FGF12: variants seen among roughly 807,000 people sequenced by gnomAD.
The protein encoded by FGF12 is fibroblast growth factor 12B.
In FGF12, 14 loss-of-function variants were observed where a neutral mutation model predicts 23.6. That is an observed-to-expected ratio of 0.59 (90% CI 0.39 to 0.93). The LOEUF (loss-of-function observed/expected upper bound fraction) is 0.93. FGF12 is among the 40% of genes least tolerant of loss of function. FGF12 has a pLI of 0.00. For synonymous variants in FGF12, 62 were observed against 77.3 expected (o/e 0.80, Z 1.04); for missense variants, 175 against 217.8 (o/e 0.80, Z 1.24).
intron 4 of FGF12, among the ~76,000 whole-genome samples, chr3:192,273,230 T>C (rs1218028950): frequency 1.3e-5 from 2 of 152,208 alleles, no homozygotes; most frequent in African/African-American, 4.8e-5. Flanking sequence ...ACATCTGCAC[T>C]AAGCACTCTG....
At chr3:192,208,229 C>T (rs567437206) in intron 4 of FGF12, among the ~76,000 whole-genome samples, 1 of 152,178 alleles carries the variant, frequency 6.6e-6, no homozygotes, top group Non-Finnish European at 1.5e-5. Context: ...AAAAGCACTT[C>T]GATGTGATTT....
At chr3:192,369,705 C>T (rs1719136624) in intron 2 of FGF12, among the ~76,000 whole-genome samples, 3 of 152,178 alleles carry the variant, frequency 2.0e-5, no homozygotes. Flanking sequence ...AGTTCCAGCA[C>T]CATTTATTGA....
At chr3:192,418,644 G>A (rs142105144) in intron 2 of FGF12, among the ~76,000 whole-genome samples, 421 of 152,186 alleles carry the variant, frequency 2.8e-3, no homozygotes, top group African/African-American at 9.8e-3. Context: ...GATCATGGGG[G>A]CAGACTTCCC....
intron 3 of FGF12, among the ~76,000 whole-genome samples, chr3:192,352,419 G>C (rs1718268265): frequency 6.6e-6 from 1 of 152,244 alleles, no homozygotes; most frequent in African/African-American, 2.4e-5. Context: ...TGTCTGAAGT[G>C]ATGCTGGAAA....
intron 2 of FGF12, among the ~76,000 whole-genome samples, chr3:192,423,760 T>G (rs888401089): frequency 5.9e-5 from 9 of 152,188 alleles, no homozygotes; most frequent in African/African-American, 2.2e-4. Flanking sequence ...AGGTTTAATT[T>G]TTCTATTAAA....
intron 2 of FGF12, among the ~76,000 whole-genome samples, chr3:192,483,829 C>T (rs553342881): frequency 6.2e-4 from 94 of 152,100 alleles, no homozygotes; most frequent in African/African-American, 2.1e-3. Context: ...GAGAAGTAAC[C>T]CATCTAACAA....
chr3:192,537,876 G>A (rs1313359278), intron 2 of FGF12, among the ~76,000 whole-genome samples: 1 of 149,934 alleles, frequency 6.7e-6, no homozygotes, highest in African/African-American at 2.4e-5. Flanking sequence ...GCCAAGAATA[G>A]TGTTGTGGAG....
intron 2 of FGF12, among the ~76,000 whole-genome samples, chr3:192,527,616 T>A (rs1444109878): frequency 6.6e-6 from 1 of 152,232 alleles, no homozygotes; most frequent in South Asian, 2.1e-4. Flanking sequence ...ATCTTCAGCA[T>A]CCTGGGCTTA....
chr3:192,230,518 A>G (rs1718963858), intron 4 of FGF12, among the ~76,000 whole-genome samples: 1 of 152,158 alleles, frequency 6.6e-6, no homozygotes, highest in Admixed American at 6.6e-5. Flanking sequence ...ATAATCTGAC[A>G]ATAATTAGAG....
chr3:192,453,032 T>A (rs1722573410), intron 2 of FGF12, among the ~76,000 whole-genome samples: 1 of 152,246 alleles, frequency 6.6e-6, no homozygotes, highest in South Asian at 2.1e-4. Flanking sequence ...ACTGCCTTTG[T>A]CCTTTCGTTC....
intron 4 of FGF12, among the ~76,000 whole-genome samples, chr3:192,193,861 A>C (rs1716927336): frequency 6.6e-6 from 1 of 152,168 alleles, no homozygotes; most frequent in Non-Finnish European, 1.5e-5. Flanking sequence ...CTGTCCTACA[A>C]AGCAATTACA....
intron 2 of FGF12, among the ~76,000 whole-genome samples, chr3:192,383,260 C>G (rs936116162): frequency 2.0e-5 from 3 of 152,126 alleles, no homozygotes; most frequent in African/African-American, 7.2e-5. Context: ...GCTTTATTGA[C>G]TACTGAGCTC....
chr3:192,664,268 G>T (rs567809063), intron 2 of FGF12, among the ~76,000 whole-genome samples: 1 of 152,240 alleles, frequency 6.6e-6, no homozygotes, highest in East Asian at 1.9e-4. Context: ...GATTAGACAA[G>T]TAGTAGCAAC....
At chr3:192,588,337 A>G (rs1449428807) in intron 2 of FGF12, among the ~76,000 whole-genome samples, 2 of 143,396 alleles carry the variant, frequency 1.4e-5, no homozygotes, top group South Asian at 2.4e-4. Context: ...GCGACAGAGC[A>G]ACAATCCGTC....
intron 2 of FGF12, among the ~76,000 whole-genome samples, chr3:192,650,352 G>A (rs1716171728): frequency 6.6e-6 from 1 of 152,110 alleles, no homozygotes; most frequent in South Asian, 2.1e-4. Flanking sequence ...ATGCCATACT[G>A]TTTCACATCT....
At chr3:192,633,582 T>C (rs1318314190) in intron 2 of FGF12, among the ~76,000 whole-genome samples, 2 of 152,114 alleles carry the variant, frequency 1.3e-5, no homozygotes, top group Non-Finnish European at 2.9e-5. Context: ...TCCAATTCAC[T>C]CCATTTTTCT....
chr3:192,236,556 T>C (rs1356455338), intron 4 of FGF12, among the ~76,000 whole-genome samples: 1 of 152,226 alleles, frequency 6.6e-6, no homozygotes, highest in Non-Finnish European at 1.5e-5. Context: ...GGTGCATACA[T>C]ATTTAGTATA....
chr3:192,284,292 G>C (rs1577318627), intron 4 of FGF12, among the ~76,000 whole-genome samples: 1 of 152,062 alleles, frequency 6.6e-6, no homozygotes, highest in African/African-American at 2.4e-5. Flanking sequence ...TGATCACAGG[G>C]CACCCTGCCC....
chr3:192,217,539 G>C (rs927703019), intron 4 of FGF12, among the ~76,000 whole-genome samples: 6 of 152,170 alleles, frequency 3.9e-5, no homozygotes, highest in Admixed American at 6.5e-5. Flanking sequence ...ACATGGAGCT[G>C]TAAAACACCT....
Sources: allele counts gnomAD v4.1 joint callset (sites outside exome capture counted in the v4.1 genomes callset), GRCh38; gene constraint gnomAD v4.1.1; transcripts MANE v1.5; gene names NCBI Gene and HGNC (gene_info 2026-07-23, HGNC 2026-07-21).